The following WDR17 variants were observed in gnomAD, a reference collection of about 807,000 sequenced individuals.
WDR17 encodes the protein WD repeat domain 17.
In WDR17, 143 loss-of-function variants were observed where a neutral mutation model predicts 161.7. That is an observed-to-expected ratio of 0.88 (90% CI 0.77 to 1.02). The LOEUF is 1.02. Among genes scored for constraint, WDR17 ranks in the 50% least tolerant of loss-of-function variants. WDR17 has a pLI of 0.00. For synonymous variants in WDR17, 517 were observed against 515.6 expected, an observed-to-expected ratio of 1.00 and a Z score of -0.04; for missense variants, 1,469 against 1,520.9, an observed-to-expected ratio of 0.97 and a Z score of 0.57.
At chr4:176,174,776 A>G in intron 26 of WDR17, 58 bp downstream of exon 26, 6 of 1,079,746 alleles carry the variant, frequency 5.6e-6, no homozygotes, top group Non-Finnish European at 8.4e-6. Flanking sequence ...GCTAAGATGG[A>G]TAGTCTCTAA....
At chr4:176,177,030 G>A in intron 26 of WDR17, 28 bp from the exon 27 acceptor site, 1 of 1,537,522 alleles carries the variant, frequency 6.5e-7, no homozygotes, top group South Asian at 1.1e-5. Flanking sequence ...TTTGGTATCA[G>A]ATGTTAATTT....
intron 1 of WDR17, among the ~76,000 whole-genome samples, chr4:176,074,810 C>CTTTTTTTTTTTTATTTTTTT (rs1733752193): frequency 1.3e-5 from 1 of 79,200 alleles, no homozygotes; most frequent in Non-Finnish European, 2.3e-5. Context: ...TTTTTTAATG[C>CTTTTTTTTTTTTATTTTTTT]TTTTTTTTTT....
intron 12 of WDR17, 83 bp downstream of exon 12, chr4:176,146,242 T>C (rs1579183330): frequency 7.1e-7 from 1 of 1,400,644 alleles, no homozygotes; most frequent in East Asian, 2.4e-5. Flanking sequence ...TTATAGGAGA[T>C]ATATAGATAT....
At chr4:176,075,197 C>G (rs965290018) in intron 1 of WDR17, among the ~76,000 whole-genome samples, 2 of 151,028 alleles carry the variant, frequency 1.3e-5, no homozygotes, top group African/African-American at 4.9e-5. Flanking sequence ...TCTATTTTAA[C>G]AAAAAAAATT....
At chr4:176,127,679 C>T (rs1347472830) in intron 5 of WDR17, among the ~76,000 whole-genome samples, 1 of 152,130 alleles carries the variant, frequency 6.6e-6, no homozygotes, top group African/African-American at 2.4e-5. Context: ...TTAAAGCATG[C>T]AGTTCAGTGG....
chr4:176,176,251 G>T (rs896838614), intron 26 of WDR17, among the ~76,000 whole-genome samples: 11 of 152,188 alleles, frequency 7.2e-5, no homozygotes, highest in Non-Finnish European at 1.0e-4. Flanking sequence ...TTGAGAGAAT[G>T]TGACTAAGTT....
At chr4:176,135,688 C>T (rs989079845) in intron 8 of WDR17, among the ~76,000 whole-genome samples, 1 of 151,510 alleles carries the variant, frequency 6.6e-6, no homozygotes, top group Non-Finnish European at 1.5e-5. Context: ...TTAACTCCAC[C>T]TTTGAAGTAT....
At chr4:176,125,909 A>T (rs1245336028) in intron 5 of WDR17, among the ~76,000 whole-genome samples, 2 of 152,244 alleles carry the variant, frequency 1.3e-5, no homozygotes, top group African/African-American at 4.8e-5. Flanking sequence ...TGGGATGCCC[A>T]GGAGCATGGC....
chr4:176,071,492 T>C (rs1733241976), intron 1 of WDR17, among the ~76,000 whole-genome samples: 1 of 152,234 alleles, frequency 6.6e-6, no homozygotes. Flanking sequence ...CCAGCTAACT[T>C]TTTTATTTTT....
At chr4:176,121,629 C>T (rs1243164783) in intron 4 of WDR17, among the ~76,000 whole-genome samples, 1 of 152,018 alleles carries the variant, frequency 6.6e-6, no homozygotes, top group Non-Finnish European at 1.5e-5. Context: ...GTCATTTTTA[C>T]CCTCTCCTTT....
At position 176,149,884 on chromosome 4, in the gene WDR17, A is replaced by G; in HGVS notation, c.1975A>G (p.Thr659Ala). 6.2e-7 allele frequency: 1 copy of G among 1,614,098 alleles called. No homozygotes were observed. The highest frequency in any genetic ancestry group is 8.5e-7 in the Non-Finnish European group (1 of 1,180,022). Residue 659 changes from threonine (T) to alanine (A), a missense_variant, in exon 14 of 29, where the codon ACA becomes GCA. Thr to Ala is a moderately conservative substitution (Grantham distance 58). Transcript: ENST00000508596. ...RDSTVRLWSL[T>A]ALVTPVQINI... is the part of the protein sequence containing the mutation. ...CTCTACAGTGAGACTCTGGTCATTAACAGCCTTAGTCACTCCTGTACAAAT... is the reference window on the plus strand; with the variant it reads ...CTCTACAGTGAGACTCTGGTCATTAGCAGCCTTAGTCACTCCTGTACAAAT...
At chr4:176,128,650 C>T in intron 5 of WDR17, 88 bp from the exon 6 acceptor site, 2 of 1,332,734 alleles carry the variant, frequency 1.5e-6, no homozygotes, top group Admixed American at 2.4e-5. Flanking sequence ...AAAATATTTC[C>T]AGTTGAAATT....
chr4:176,144,104 C>G (rs896395806), intron 11 of WDR17, among the ~76,000 whole-genome samples: 3 of 151,836 alleles, frequency 2.0e-5, no homozygotes, highest in African/African-American at 7.3e-5. Context: ...TTCACTTATA[C>G]TGGCCCCCTT....
At chr4:176,117,196 A>G (rs1740784677) in intron 3 of WDR17, among the ~76,000 whole-genome samples, 1 of 152,038 alleles carries the variant, frequency 6.6e-6, no homozygotes, top group African/African-American at 2.4e-5. Flanking sequence ...TTTGTGATAT[A>G]TAAATTGTGA....
intron 7 of WDR17, among the ~76,000 whole-genome samples, chr4:176,133,378 TAAAAAAAAA>T (rs571544131): frequency 7.1e-4 from 52 of 72,972 alleles, no homozygotes; most frequent in Admixed American, 3.5e-3. Context: ...TCTACTAAGC[TAAAAAAAAA>T]AAAAAAAAAA....
In WDR17 at chr4:176,150,042, G is replaced by T; in HGVS notation, c.2048-1G>T. 2 of 1,613,476 alleles carry T rather than the reference G, an allele frequency of 1.2e-6. No individual in the cohort carries two copies. The highest frequency in any genetic ancestry group is 1.7e-6 in the Non-Finnish European group (2 of 1,179,864). ...CTCACTGAATTATGTCTGTTCTTCA[G>T]ATTATGCTATAGAACCAGGCACTCC... On this transcript the variant is annotated splice_acceptor_variant, in intron 14 of 28. Coordinates refer to ENST00000508596, the MANE Select transcript of WDR17 (RefSeq NM_181265.4). LOFTEE classifies it high-confidence loss of function.
intron 4 of WDR17, among the ~76,000 whole-genome samples, chr4:176,123,214 C>T (rs934623346): frequency 6.6e-6 from 1 of 152,196 alleles, no homozygotes; most frequent in Non-Finnish European, 1.5e-5. Flanking sequence ...TGATGACACT[C>T]TCTATATAAC....
intron 5 of WDR17, 110 bp from the exon 6 acceptor site, chr4:176,128,628 G>A: frequency 5.7e-6 from 6 of 1,054,114 alleles, no homozygotes; most frequent in Non-Finnish European, 8.3e-6. Flanking sequence ...AAGGATGTCA[G>A]TAATTAGTCC....
chr4:176,162,733 T>C (rs1036735480), intron 21 of WDR17, among the ~76,000 whole-genome samples: 9 of 152,306 alleles, frequency 5.9e-5, no homozygotes, highest in Non-Finnish European at 1.2e-4. Context: ...AAAATGTTAA[T>C]TAAAGATACA....
Sources: gnomAD v4.1 joint callset for allele counts (sites outside exome capture counted in the v4.1 genomes callset) on GRCh38, gnomAD v4.1.1 for gene constraint, MANE v1.5 for transcripts, NCBI Gene and HGNC (gene_info 2026-07-23, HGNC 2026-07-21) for gene names.